The following ZNF674 variants were observed in gnomAD, a reference collection of about 807,000 sequenced individuals.
ZNF674 encodes zinc finger family member 674.
Under a neutral mutation model 7.0 loss-of-function variants are expected in ZNF674, and 2 were observed. That is an observed-to-expected ratio of 0.29 (90% CI 0.12 to 0.90). The LOEUF is 0.90. ZNF674 is among the 40% of genes least tolerant of loss of function. The pLI is 0.57. For synonymous variants in ZNF674, 103 were observed against 145.2 expected (o/e 0.71, Z 2.09); for missense variants, 297 against 415.5 (o/e 0.71, Z 2.48).
rs1170381089 is a variant in ZNF674 at position 46,500,746 on chromosome X, T to C, written c.828A>G (p.Glu276=). 8.3e-7 allele frequency: 1 copy of C among 1,202,629 alleles called. No individual in the cohort carries two copies. Among genetic ancestry groups the C allele is most frequent in the African/African-American group, 1.8e-5 (1 of 56,844 alleles). ...TAAAGGTTTTTCCACATTCACTGCA[T>C]TCATAGGGCTTCTCCCCTGTGTGAG... ...QRTHTGEKPY[E]CSECGKTFIQ... Residue 276 remains glutamate (E), a synonymous_variant, in exon 6 of 6, where the codon GAA becomes GAG. Coordinates refer to ENST00000683375, the MANE Select transcript of ZNF674 (RefSeq NM_001190417.2).
At chrX:46,512,637 G>A (rs921903640) in intron 5 of ZNF674, among the ~76,000 whole-genome samples, 1 of 108,360 alleles carries the variant, frequency 9.2e-6, no homozygotes, top group African/African-American at 3.4e-5. Context: ...GGTGGCACAT[G>A]CCTGTAGTCC....
At chrX:46,526,511 C>A (rs775401292) in intron 5 of ZNF674, among the ~76,000 whole-genome samples, 1 of 110,965 alleles carries the variant, frequency 9.0e-6, no homozygotes, top group Non-Finnish European at 1.9e-5. Context: ...CTCCTAGGCT[C>A]AACTGATCCT....
chrX:46,534,007 A>T (rs1942160764), intron 3 of ZNF674, among the ~76,000 whole-genome samples: 1 of 107,042 alleles, frequency 9.3e-6, no homozygotes, highest in African/African-American at 3.4e-5. Context: ...ATGGCTGGGG[A>T]GGCCTCAGAA....
intron 3 of ZNF674, among the ~76,000 whole-genome samples, chrX:46,532,882 C>T (rs994342286): frequency 8.9e-6 from 1 of 111,841 alleles, no homozygotes; most frequent in African/African-American, 3.2e-5. Context: ...CAATAAGTCT[C>T]ATAATGTTTT....
intron 5 of ZNF674, among the ~76,000 whole-genome samples, chrX:46,526,088 C>T (rs1282865966): frequency 8.9e-6 from 1 of 111,732 alleles, no homozygotes; most frequent in East Asian, 2.8e-4. Context: ...AAAATCCCTG[C>T]GGGCTTTTGT....
At chrX:46,531,748 A>G (rs1454894699) in intron 3 of ZNF674, among the ~76,000 whole-genome samples, 7 of 111,902 alleles carry the variant, frequency 6.3e-5, no homozygotes. Flanking sequence ...AACCACTAAC[A>G]GATCCTCTGA....
At chrX:46,533,592 T>C (rs1942145928) in intron 3 of ZNF674, among the ~76,000 whole-genome samples, 1 of 107,654 alleles carries the variant, frequency 9.3e-6, no homozygotes, top group Non-Finnish European at 1.9e-5. Context: ...AGAAACCCTG[T>C]CTCTACTAAA....
intron 5 of ZNF674, among the ~76,000 whole-genome samples, chrX:46,501,660 A>ATGTG (rs1183107545): frequency 1.0e-5 from 1 of 95,532 alleles, no homozygotes. Context: ...AATTGTATAT[A>ATGTG]TATGTGTGTG....
chrX:46,517,818 T>A (rs1399984119), intron 5 of ZNF674: 3 of 111,876 alleles, frequency 2.7e-5, no homozygotes, highest in Non-Finnish European at 3.8e-5. Context: ...AAGATTAGCA[T>A]GGCTCCTGTG....
In ZNF674 at chrX:46,542,110, T is replaced by C. The variant is rs1942304974; in HGVS notation, c.-23A>G. ...CATCTTGTTGTGCTCCTGCAAAGGA[T>C]GGAGATCTACAAATACAGAATTAGA... On this transcript the variant is annotated 5_prime_UTR_variant, in exon 3 of 6. Transcript: ENST00000683375. 2.5e-6 allele frequency: 3 copies of C among 1,178,502 alleles called. No individual in the cohort carries two copies. Among genetic ancestry groups the C allele is most frequent in the Non-Finnish European group, 3.4e-6 (3 of 869,590 alleles).
chrX:46,507,021 G>A (rs1346065137), intron 5 of ZNF674, among the ~76,000 whole-genome samples: 1 of 111,251 alleles, frequency 9.0e-6, no homozygotes, highest in Non-Finnish European at 1.9e-5. Flanking sequence ...TAGACAACTG[G>A]TGATAAGTAT....
At position 46,503,618 on chromosome X, in the gene ZNF674, T is replaced by G. The variant is rs901644967; in HGVS notation, c.239-2283A>C. ...GACAATTAGGGCAAAATGACAGAGA[T>G]GTGTTGAAAATAAAATTACGGGAAA... is the stretch of plus-strand genomic sequence containing the variant. On this transcript the variant is annotated intron_variant, in intron 5 of 5. Transcript: ENST00000683375. Among the ~76,000 whole-genome samples, 4 of 111,590 alleles carry G rather than the reference T, an allele frequency of 3.6e-5. No individual in the cohort carries two copies. In the East Asian group the frequency reaches 8.3e-4, roughly 23 times the overall value.
rs1029857408 is a variant in ZNF674, at chrX:46,501,062, G to A, written c.512C>T (p.Ala171Val). The A allele has an allele frequency of 1.2e-5, 14 of 1,206,449 alleles. No homozygotes were observed. In the African/African-American group the frequency reaches 2.1e-4, roughly 18 times the overall value. The change falls in exon 6 of 6, where the codon GCA (alanine) becomes GTA (valine). Residue 171 changes from alanine to valine, a missense_variant. Physicochemically the swap from Ala to Val is moderately conservative, Grantham distance 64. Transcript: ENST00000683375. ...ATAATGGAGGCATACTTTCCAATAT[G>A]CCTTACATCCATCATCTTTCTTTCT... Reference protein sequence around the residue: ...YVRKKDDGCKAYWKVCLHYNL... With the variant: ...YVRKKDDGCKVYWKVCLHYNL...
chrX:46,544,022 T>C (rs1369376725), intron 2 of ZNF674, among the ~76,000 whole-genome samples: 114 of 112,647 alleles, frequency 1.0e-3, no homozygotes, highest in Middle Eastern at 4.7e-3. Flanking sequence ...GAAGGAAGCA[T>C]GGGGGTGCAC....
At chrX:46,530,462 C>T (rs912636688) in intron 3 of ZNF674, among the ~76,000 whole-genome samples, 3 of 111,084 alleles carry the variant, frequency 2.7e-5, no homozygotes, top group Non-Finnish European at 5.7e-5. Flanking sequence ...TCGAGGATCC[C>T]AGCAAAAGAT....
intron 5 of ZNF674, among the ~76,000 whole-genome samples, chrX:46,503,599 T>C (rs1207320993): frequency 8.9e-6 from 1 of 111,898 alleles, no homozygotes; most frequent in Non-Finnish European, 1.9e-5. Context: ...AGAAGACAAT[T>C]AGGGCAAAAT....
chrX:46,544,558 G>A lies in ZNF674; in HGVS notation c.-87C>T, dbSNP rs1942346207. The A allele has an allele frequency of 8.9e-6, 1 of 112,125 alleles. No homozygotes were observed. The highest frequency in any genetic ancestry group is 3.7e-4 in the South Asian group (1 of 2,719). The allele number at this position is 112,125 out of a possible 1,213,427, so 9.2% of individuals were successfully genotyped here. A position where few individuals can be genotyped will look rare whatever the true frequency, so the allele number is the denominator to read the frequency against. The stretch of plus-strand genomic sequence containing the variant: ...GACTAAGTGGGGAAGCCGAGGCACA[G>A]ATAAACTGGAGTCTGAAATCGGTGA... On this transcript the variant is annotated 5_prime_UTR_variant, in exon 2 of 6. Coordinates refer to ENST00000683375, the MANE Select transcript of ZNF674 (RefSeq NM_001190417.2).
At chrX:46,532,112 G>A (rs1193284302) in intron 3 of ZNF674, among the ~76,000 whole-genome samples, 1 of 111,761 alleles carries the variant, frequency 8.9e-6, no homozygotes, top group Non-Finnish European at 1.9e-5. Flanking sequence ...TTGCAGTGAT[G>A]AGCCGAGATC....
intron 3 of ZNF674, among the ~76,000 whole-genome samples, chrX:46,536,684 G>A (rs943371016): frequency 2.7e-5 from 3 of 110,343 alleles, no homozygotes; most frequent in African/African-American, 6.6e-5. Flanking sequence ...ATGAGCCCAG[G>A]AGGCTGAGGT....
Sources: gnomAD v4.1 joint callset for allele counts (sites outside exome capture counted in the v4.1 genomes callset) on GRCh38, gnomAD v4.1.1 for gene constraint, MANE v1.5 for transcripts, NCBI Gene and HGNC (gene_info 2026-07-23, HGNC 2026-07-21) for gene names.